Variants in PSMG2 observed in about 807,000 individuals in gnomAD.
The protein encoded by PSMG2 is proteasome assembly chaperone 2.
PSMG2 carries 21 observed loss-of-function variants against 31.5 expected under a neutral mutation model. The observed-to-expected ratio is 0.67, with a 90% confidence interval of 0.47 to 0.96. The LOEUF is 0.96. PSMG2 is among the 40% of genes least tolerant of loss of function. The pLI is 0.00. For synonymous variants in PSMG2, 120 were observed against 110.4 expected (o/e 1.09, Z -0.54); for missense variants, 318 against 321.2 (o/e 0.99, Z 0.08).
At chr18:12,702,408 G>T, upstream of PSMG2, 1 of 1,125,792 alleles carries the variant, frequency 8.9e-7, no homozygotes, top group Non-Finnish European at 1.3e-6. Flanking sequence ...AGATGCCGCT[G>T]TCGGCCCGGG....
chr18:12,706,677 C>T lies in PSMG2; in HGVS notation c.185C>T (p.Ala62Val), dbSNP rs751761960. ...CCAATGGTTGGAAACAATCCATATG[C>T]GACCACAGAAGGAAATTCAACAGAA... ...LVPMVGNNPY[A>V]TTEGNSTELS... Residue 62 changes from alanine to valine, a missense_variant, in exon 2 of 7, where the codon GCG becomes GTG. Ala to Val is a moderately conservative substitution (Grantham distance 64). Coordinates refer to ENST00000317615, the MANE Select transcript of PSMG2 (RefSeq NM_020232.5). The T allele has an allele frequency of 8.1e-6, 13 of 1,610,864 alleles. No homozygotes were observed. The highest frequency in any genetic ancestry group is 1.6e-4 in the Middle Eastern group (1 of 6,070).
At chr18:12,707,248 G>A (rs548945229) in intron 2 of PSMG2, among the ~76,000 whole-genome samples, 14 of 152,226 alleles carry the variant, frequency 9.2e-5, no homozygotes, top group African/African-American at 2.9e-4. Context: ...GTGAGCCACC[G>A]TGCCCAGCCC....
chr18:12,692,767 G>A (rs2039813875), intron 1 of PSMG2, among the ~76,000 whole-genome samples: 7 of 152,188 alleles, frequency 4.6e-5, no homozygotes, highest in South Asian at 4.1e-4. Flanking sequence ...CATCTCCAGT[G>A]TCTAGAACAG....
chr18:12,705,489 G>A lies in PSMG2; in HGVS notation c.58-1061G>A, dbSNP rs539303134. 5.9e-5 allele frequency among the ~76,000 whole-genome samples: 9 copies of A among 151,970 alleles called. No individual in the cohort carries two copies. In the East Asian group the frequency reaches 1.2e-3, roughly 20 times the overall value. Reference sequence around the variant, plus strand: ...GTCCATTAGGTTGTGGAGCTCCTACGTGTTCTGGGATGTAGGTAGGGATTT... The same window carrying A: ...GTCCATTAGGTTGTGGAGCTCCTACATGTTCTGGGATGTAGGTAGGGATTT... On this transcript the variant is annotated intron_variant, in intron 1 of 6. Transcript: ENST00000317615.
intron 1 of PSMG2, chr18:12,680,973 T>TG: frequency 3.1e-6 from 2 of 641,296 alleles, no homozygotes. Context: ...CCAAGGCGGG[T>TG]GGATCACATG....
At chr18:12,686,416 T>A in intron 1 of PSMG2, 1 of 1,613,984 alleles carries the variant, frequency 6.2e-7, no homozygotes, top group Non-Finnish European at 8.5e-7. Flanking sequence ...TGGTTTAACA[T>A]AGGAACAGAC....
chr18:12,717,051 A>G (rs1215163743), intron 3 of PSMG2, among the ~76,000 whole-genome samples: 1 of 150,466 alleles, frequency 6.6e-6, no homozygotes. Context: ...CGAGGCTCAA[A>G]TGATCCTCCC....
chr18:12,717,669 C>G (rs907082408), intron 3 of PSMG2, among the ~76,000 whole-genome samples: 2 of 152,232 alleles, frequency 1.3e-5, no homozygotes, highest in African/African-American at 4.8e-5. Flanking sequence ...AATTCTGGAT[C>G]CATTGATGGT....
Position 12,718,012 on chromosome 18 carries a change from CTTTTTTT to C in PSMG2, c.289-495_289-489del, listed in dbSNP as rs71174131. Among the ~76,000 whole-genome samples the C allele has an allele frequency of 3.7e-5, 5 of 136,468 alleles. No homozygotes were observed. The East Asian group carries it at 6.3e-4, about 17-fold the overall frequency. The allele number at this position is 136,468 out of a possible 152,430, so 89.5% of individuals were successfully genotyped here. A position where few individuals can be genotyped will look rare whatever the true frequency, so the allele number is the denominator to read the frequency against. On this transcript the variant is annotated intron_variant, in intron 3 of 6. Transcript: ENST00000317615. The stretch of plus-strand genomic sequence containing the variant: ...TTGATTTCTTTTCTTTTTCTTTTTT[CTTTTTTT>C]TTTTTTTTTGAGAAAGTTTCACTCG...
At chr18:12,699,836 T>G, upstream of PSMG2, 1 of 1,551,198 alleles carries the variant, frequency 6.4e-7, no homozygotes, top group Non-Finnish European at 8.8e-7. Context: ...ATACTTTTTT[T>G]TAATGTCGAT....
At chr18:12,715,420 T>G (rs1030663121) in intron 3 of PSMG2, among the ~76,000 whole-genome samples, 1 of 152,216 alleles carries the variant, frequency 6.6e-6, no homozygotes, top group African/African-American at 2.4e-5. Flanking sequence ...GCTAAGGGAT[T>G]TTTTGGAATG....
At chr18:12,704,321 C>G (rs1200005460) in intron 1 of PSMG2, among the ~76,000 whole-genome samples, 1 of 152,146 alleles carries the variant, frequency 6.6e-6, no homozygotes, top group African/African-American at 2.4e-5. Context: ...CATGATGGCT[C>G]ATGCCTGTAA....
At chr18:12,662,103 C>T (rs1387681914) in intron 1 of PSMG2, 9 of 434,754 alleles carry the variant, frequency 2.1e-5, no homozygotes, top group Non-Finnish European at 4.1e-5. Flanking sequence ...TCAGGGAGCA[C>T]CATCACTGTG....
At chr18:12,687,531 GCAA>G (rs2039584075) in intron 1 of PSMG2, among the ~76,000 whole-genome samples, 1 of 148,690 alleles carries the variant, frequency 6.7e-6, no homozygotes, top group African/African-American at 2.5e-5. Context: ...TCGGCTCGCT[GCAA>G]CCTCCGCCCA....
intron 1 of PSMG2, among the ~76,000 whole-genome samples, chr18:12,662,437 T>C (rs1471066570): frequency 1.3e-5 from 2 of 152,246 alleles, no homozygotes; most frequent in Admixed American, 6.5e-5. Context: ...AGCTCAGCTC[T>C]TTCTCCTACA....
rs2040470806 is a variant in PSMG2, at chr18:12,725,726, T to C, written c.*195T>C. The C allele has an allele frequency of 2.4e-6, 1 of 423,654 alleles. No individual in the cohort carries two copies. The highest frequency in any genetic ancestry group is 4.1e-6 in the Non-Finnish European group (1 of 242,234). The allele number at this position is 423,654 out of a possible 1,614,324, so 26.2% of individuals were successfully genotyped here. A position where few individuals can be genotyped will look rare whatever the true frequency, so the allele number is the denominator to read the frequency against. On this transcript the variant is annotated 3_prime_UTR_variant, in exon 7 of 7. Transcript: ENST00000317615. ...AATGTAAATTTTGTACAATAAAATT[T>C]TATTTCCTAAGTAATTTTGTCTTAA...
chr18:12,706,364 A>G (rs1248876218), intron 1 of PSMG2, among the ~76,000 whole-genome samples, 186 bp from the exon 2 acceptor site: 1 of 152,154 alleles, frequency 6.6e-6, no homozygotes, highest in East Asian at 1.9e-4. Context: ...GTGCGCGCCT[A>G]TAATCTCAGC....
At chr18:12,664,696 A>ATTTT (rs1277697796) in intron 1 of PSMG2, among the ~76,000 whole-genome samples, 3 of 146,338 alleles carry the variant, frequency 2.1e-5, no homozygotes, top group Admixed American at 6.9e-5. Flanking sequence ...ATTTGTCCTG[A>ATTTT]TCTTTTTTTT....
At chr18:12,699,044 A>G (rs2040058655), upstream of PSMG2, 4 of 1,613,998 alleles carry the variant, frequency 2.5e-6, no homozygotes, top group Non-Finnish European at 3.4e-6. Context: ...GGCACATGGA[A>G]CAGGTTTAGA....
Sources: allele counts gnomAD v4.1 joint callset (sites outside exome capture counted in the v4.1 genomes callset), GRCh38; gene constraint gnomAD v4.1.1; transcripts MANE v1.5; gene names NCBI Gene and HGNC (gene_info 2026-07-23, HGNC 2026-07-21).